Variants in ZNF609 observed in about 807,000 individuals in gnomAD.
The protein encoded by ZNF609 is zinc finger protein 609.
Under a neutral mutation model 109.5 loss-of-function variants are expected in ZNF609, and 11 were observed. The ratio of observed to expected loss-of-function variants is 0.10; its 90% CI spans 0.06 to 0.17. The LOEUF is 0.17. Among genes scored for constraint, ZNF609 ranks in the 10% least tolerant of loss-of-function variants. The pLI is 1.00. For missense variants in ZNF609, 1,559 were observed against 1,772.4 expected (o/e 0.88, Z 2.16); for synonymous variants, 646 against 662.0 (o/e 0.98, Z 0.37).
In ZNF609 at chr15:64,680,318, C is replaced by G. The variant is rs1896865054; in HGVS notation, c.3903C>G (p.Ile1301Met). 6.2e-7 allele frequency: 1 copy of G among 1,614,214 alleles called. No individual in the cohort carries two copies. Among genetic ancestry groups the G allele is most frequent in the Non-Finnish European group, 8.5e-7 (1 of 1,180,054 alleles). Residue 1301 changes from isoleucine to methionine, a missense_variant, in exon 7 of 10, where the codon ATC (isoleucine) becomes ATG (methionine). Coordinates refer to ENST00000326648, the MANE Select transcript of ZNF609 (RefSeq NM_015042.2). Reference protein sequence around the residue: ...KSSSESKALDILQQHASHYKS... With the variant: ...KSSSESKALDMLQQHASHYKS... ...GCTCAGAGTCCAAAGCCCTGGACAT[C>G]TTGCAGCAGCATGCCAGTCACTACA...
chr15:64,560,292 C>T (rs559782203), intron 2 of ZNF609, among the ~76,000 whole-genome samples: 44 of 151,542 alleles, frequency 2.9e-4, no homozygotes, highest in Middle Eastern at 6.9e-3. Context: ...GTGATCTGCC[C>T]GCCTCGGCCT....
rs375042196 is a variant in ZNF609, at chr15:64,622,992, C to G, written c.913C>G (p.Pro305Ala). The change falls in exon 3 of 10, where the codon CCC becomes GCC. Residue 305 changes from proline to alanine, a missense_variant. Coordinates refer to ENST00000326648, the MANE Select transcript of ZNF609 (RefSeq NM_015042.2). ...ALATEPECLG[P>A]CEPGTSVNLE... ...GGCCACAGAGCCTGAGTGCTTGGGC[C>G]CCTGTGAACCTGGAACTAGCGTCAA... 6 of 1,614,104 alleles carry G rather than the reference C, an allele frequency of 3.7e-6. No individual in the cohort carries two copies. Among genetic ancestry groups the G allele is most frequent in the Non-Finnish European group, 5.1e-6 (6 of 1,180,048 alleles).
chr15:64,539,170 A>AT lies in ZNF609; in HGVS notation c.747+39007dup, dbSNP rs111943583. The stretch of plus-strand genomic sequence containing the variant: ...AGGCGCCTGCCACCATGCCTTATTT[A>AT]TTTATTTATTTATTTATTTATTTAT... On this transcript the variant is annotated intron_variant, in intron 2 of 9. Coordinates refer to ENST00000326648, the MANE Select transcript of ZNF609 (RefSeq NM_015042.2). 1.4e-3 allele frequency among the ~76,000 whole-genome samples: 144 copies of AT among 104,852 alleles called. 3 individuals are homozygous for AT. The South Asian group carries it at 0.023, about 17-fold the overall frequency. 68.8% of individuals were successfully genotyped at this position (104,852 alleles called of 152,430 possible).
intron 1 of ZNF609, among the ~76,000 whole-genome samples, chr15:64,477,635 T>A (rs946665026): frequency 6.6e-6 from 1 of 151,286 alleles, no homozygotes; most frequent in South Asian, 2.1e-4. Context: ...TTTTTTTTTT[T>A]TTCTTTTTTT....
intron 2 of ZNF609, among the ~76,000 whole-genome samples, chr15:64,508,681 A>C (rs513265): frequency 0.84 from 117,839 of 139,922 alleles, 50,747 homozygotes; most frequent in East Asian, 0.98. Flanking sequence ...TGAGACCCAG[A>C]AAATTTTTTT....
chr15:64,549,696 A>G (rs1894432440), intron 2 of ZNF609, among the ~76,000 whole-genome samples: 1 of 152,160 alleles, frequency 6.6e-6, no homozygotes, highest in Non-Finnish European at 1.5e-5. Flanking sequence ...AGAGGGAGAC[A>G]GGGAGAAAGA....
chr15:64,671,933 A>C (rs967065747), intron 4 of ZNF609, among the ~76,000 whole-genome samples: 18 of 147,800 alleles, frequency 1.2e-4, no homozygotes, highest in Admixed American at 1.1e-3. Flanking sequence ...CTCAGATGTG[A>C]TTATTCTCTA....
Position 64,674,898 on chromosome 15 carries a change from G to A in ZNF609, c.2044G>A (p.Gly682Ser), listed in dbSNP as rs753848769. The A allele has an allele frequency of 1.9e-5, 31 of 1,614,048 alleles. No individual in the cohort carries two copies. Among genetic ancestry groups the A allele is most frequent in the Non-Finnish European group, 2.6e-5 (31 of 1,180,020 alleles). The change falls in exon 5 of 10, where the codon GGC (glycine) becomes AGC (serine). Residue 682 changes from glycine (G) to serine (S), a missense_variant. By Grantham distance (56) the Gly-to-Ser change is moderately conservative. Around this residue, in one of 4 missense-constraint regions of ZNF609, gnomAD observed 1,204 missense variants for 1,314.1 expected, o/e 0.92. Transcript: ENST00000326648. ...AGCCACCTTCACAGCAGCGAGCCCA[G>A]GCTCTTCCTCAGGCTTGACCGCCAC... ...QTATFTAASP[G>S]SSSGLTATVA...
At chr15:64,487,633 T>C (rs1250362253) in intron 1 of ZNF609, among the ~76,000 whole-genome samples, 1 of 152,102 alleles carries the variant, frequency 6.6e-6, no homozygotes, top group Non-Finnish European at 1.5e-5. Flanking sequence ...GTTTGTTTTT[T>C]GTTTTAATTT....
intron 1 of ZNF609, among the ~76,000 whole-genome samples, chr15:64,494,123 C>G (rs1352845384): frequency 1.3e-5 from 2 of 152,132 alleles, no homozygotes; most frequent in Admixed American, 1.3e-4. Flanking sequence ...TAGGGACTTC[C>G]TAAAAGAACA....
intron 3 of ZNF609, among the ~76,000 whole-genome samples, chr15:64,657,507 G>A (rs1040910400): frequency 5.3e-5 from 8 of 152,056 alleles, no homozygotes; most frequent in Admixed American, 2.6e-4. Context: ...CCAGCTACTC[G>A]GGAGGCTGAG....
chr15:64,530,561 A>G (rs941985293), intron 2 of ZNF609, among the ~76,000 whole-genome samples: 1 of 152,200 alleles, frequency 6.6e-6, no homozygotes, highest in South Asian at 2.1e-4. Context: ...TCAATGCTTA[A>G]TATTAGTAGG....
intron 2 of ZNF609, among the ~76,000 whole-genome samples, chr15:64,565,232 G>GTATCATTATTATTATTAT (rs143606967): frequency 7.2e-6 from 1 of 138,736 alleles, no homozygotes; most frequent in East Asian, 2.0e-4. Flanking sequence ...GCTAATTTTT[G>GTATCATTATTATTATTAT]TATTATTATT....
intron 3 of ZNF609, among the ~76,000 whole-genome samples, chr15:64,659,232 A>C (rs536112386): frequency 1.3e-5 from 2 of 152,316 alleles, no homozygotes; most frequent in South Asian, 4.1e-4. Flanking sequence ...TTTTTATTGG[A>C]CATTTACCAC....
intron 2 of ZNF609, among the ~76,000 whole-genome samples, chr15:64,578,293 A>G (rs1249745387): frequency 1.3e-5 from 2 of 152,084 alleles, no homozygotes; most frequent in Non-Finnish European, 2.9e-5. Flanking sequence ...GCTTCACTGC[A>G]GTCCTAAGTC....
intron 1 of ZNF609, among the ~76,000 whole-genome samples, chr15:64,490,266 G>A (rs1436124022): frequency 1.6e-5 from 1 of 61,328 alleles, no homozygotes; most frequent in African/African-American, 4.0e-5. Context: ...CACCCGGCCA[G>A]TAGTTGTTTT....
intron 2 of ZNF609, among the ~76,000 whole-genome samples, chr15:64,619,631 T>C (rs1222876897): frequency 6.6e-6 from 1 of 152,232 alleles, no homozygotes; most frequent in Non-Finnish European, 1.5e-5. Flanking sequence ...AACTAAGTAA[T>C]TAAATAAAGT....
chr15:64,486,352 C>A (rs1049509356), intron 1 of ZNF609, among the ~76,000 whole-genome samples: 13 of 151,998 alleles, frequency 8.6e-5, no homozygotes, highest in Non-Finnish European at 1.9e-4. Context: ...AGTGAAACCC[C>A]GTCTCTACTA....
chr15:64,496,536 T>C (rs976033230), intron 1 of ZNF609, among the ~76,000 whole-genome samples: 10 of 152,244 alleles, frequency 6.6e-5, no homozygotes, highest in Non-Finnish European at 1.5e-4. Context: ...TGGCATCTCC[T>C]TTCCTAGAGA....
Sources: gnomAD v4.1 joint callset for allele counts (sites outside exome capture counted in the v4.1 genomes callset) on GRCh38, gnomAD v4.1.1 for gene constraint, gnomAD v4.1.1 regional missense constraint, MANE v1.5 for transcripts, NCBI Gene and HGNC (gene_info 2026-07-23, HGNC 2026-07-21) for gene names.